The following ADAMTS6 variants were observed in gnomAD, a reference collection of about 807,000 sequenced individuals.
ADAMTS6 encodes the protein A disintegrin and metalloproteinase with thrombospondin motifs 6.
Under a neutral mutation model 144.3 loss-of-function variants are expected in ADAMTS6, and 23 were observed. The observed-to-expected ratio is 0.16, with a 90% CI of 0.11 to 0.23. The LOEUF is 0.23. Ranked by LOEUF, ADAMTS6 falls within the 10% of genes least tolerant of loss-of-function variation. The probability of loss-of-function intolerance (pLI) is 1.00; values close to 1 mark genes in which losing one functional copy is unlikely to be tolerated. For synonymous variants in ADAMTS6, 444 were observed against 457.5 expected, an observed-to-expected ratio of 0.97 and a Z score of 0.38; for missense variants, 999 against 1,379.6, an observed-to-expected ratio of 0.72 and a Z score of 4.37.
chr5:65,242,054 G>T, intron 15 of ADAMTS6, 50 bp downstream of exon 15: 1 of 1,279,158 alleles, frequency 7.8e-7, no homozygotes. Context: ...TATATTCTTT[G>T]ATATTTGCAA....
intron 7 of ADAMTS6, among the ~76,000 whole-genome samples, chr5:65,393,067 A>C (rs1294034306): frequency 6.6e-6 from 1 of 152,168 alleles, no homozygotes; most frequent in East Asian, 1.9e-4. Context: ...CATTCATTGC[A>C]AGCCAACTTT....
intron 3 of ADAMTS6, among the ~76,000 whole-genome samples, chr5:65,461,774 C>G (rs1759656949): frequency 6.6e-6 from 1 of 152,126 alleles, no homozygotes; most frequent in South Asian, 2.1e-4. Context: ...ATTTATTAAT[C>G]TATATATTAA....
At chr5:65,380,903 A>G (rs1751984424) in intron 7 of ADAMTS6, among the ~76,000 whole-genome samples, 2 of 152,170 alleles carry the variant, frequency 1.3e-5, no homozygotes, top group African/African-American at 4.8e-5. Flanking sequence ...GACTTATGAC[A>G]TATAAAATTC....
chr5:65,307,982 T>C (rs1744101221), intron 9 of ADAMTS6, among the ~76,000 whole-genome samples: 1 of 152,204 alleles, frequency 6.6e-6, no homozygotes, highest in Admixed American at 6.5e-5. Flanking sequence ...TCCACAGGAC[T>C]TCCATGATGT....
intron 20 of ADAMTS6, among the ~76,000 whole-genome samples, chr5:65,199,949 T>A (rs1206997791): frequency 6.6e-6 from 1 of 152,188 alleles, no homozygotes; most frequent in East Asian, 1.9e-4. Flanking sequence ...CTATTTTTTA[T>A]GAAGTAAAAA....
At chr5:65,298,940 T>C (rs1245987053) in intron 10 of ADAMTS6, among the ~76,000 whole-genome samples, 1 of 152,078 alleles carries the variant, frequency 6.6e-6, no homozygotes, top group Admixed American at 6.5e-5. Context: ...ATGTAACTTG[T>C]TTGAATTTTT....
At chr5:65,228,999 T>C (rs1757935892) in intron 15 of ADAMTS6, among the ~76,000 whole-genome samples, 1 of 152,190 alleles carries the variant, frequency 6.6e-6, no homozygotes, top group African/African-American at 2.4e-5. Context: ...TCAAAAACTC[T>C]GCATGCCCCA....
At chr5:65,345,779 G>T (rs1748261722) in intron 7 of ADAMTS6, among the ~76,000 whole-genome samples, 1 of 151,714 alleles carries the variant, frequency 6.6e-6, no homozygotes, top group Admixed American at 6.6e-5. Context: ...CTTTCTCAGT[G>T]TAGCTGTATT....
intron 20 of ADAMTS6, among the ~76,000 whole-genome samples, chr5:65,206,968 TATGTAA>T (rs1467016199): frequency 1.3e-5 from 2 of 151,964 alleles, no homozygotes; most frequent in African/African-American, 4.8e-5. Flanking sequence ...AAAATTAGAC[TATGTAA>T]ATGTAAATGT....
At chr5:65,289,207 A>G (rs1742044126) in intron 11 of ADAMTS6, among the ~76,000 whole-genome samples, 2 of 152,206 alleles carry the variant, frequency 1.3e-5, no homozygotes, top group Non-Finnish European at 2.9e-5. Flanking sequence ...GTTTGTATCT[A>G]TTACAGAAGT....
chr5:65,351,114 T>C lies in ADAMTS6; in HGVS notation c.1074-17029A>G, dbSNP rs535222085. On this transcript the variant is annotated intron_variant, in intron 7 of 24. Transcript: ENST00000381055. ...AGTCTAACACTAATCTCTTTTATGA[T>C]ATAAAGCTTTGATGGCGCCATATTT... Among the ~76,000 whole-genome samples the C allele has an allele frequency of 7.2e-5, 11 of 152,320 alleles. No individual in the cohort carries two copies. The East Asian group carries it at 2.1e-3, about 29-fold the overall frequency.
chr5:65,271,376 T>TAAAAAAAA (rs771448447), intron 12 of ADAMTS6, among the ~76,000 whole-genome samples: 1 of 116,422 alleles, frequency 8.6e-6, no homozygotes, highest in African/African-American at 3.3e-5. Flanking sequence ...ATACTCCGTC[T>TAAAAAAAA]AAAAAAAAAA....
At chr5:65,410,770 C>A (rs559255015) in intron 7 of ADAMTS6, among the ~76,000 whole-genome samples, 4 of 152,182 alleles carry the variant, frequency 2.6e-5, no homozygotes, top group Admixed American at 2.6e-4. Flanking sequence ...TGAGATCATG[C>A]AGTATTTGTC....
intron 20 of ADAMTS6, among the ~76,000 whole-genome samples, chr5:65,197,455 A>C (rs1411831590): frequency 6.6e-6 from 1 of 152,252 alleles, no homozygotes; most frequent in African/African-American, 2.4e-5. Flanking sequence ...ACAAACAAAC[A>C]AAACAACAGA....
chr5:65,344,717 C>G (rs997255645), intron 7 of ADAMTS6, among the ~76,000 whole-genome samples: 1 of 151,702 alleles, frequency 6.6e-6, no homozygotes, highest in Admixed American at 6.6e-5. Flanking sequence ...GACTCCTATC[C>G]AATTCTGTTG....
In ADAMTS6 at chr5:65,207,183, A is replaced by G. The variant is rs141873391; in HGVS notation, c.2575+7611T>C. On this transcript the variant is annotated intron_variant, in intron 20 of 24. Coordinates refer to ENST00000381055, the MANE Select transcript of ADAMTS6 (RefSeq NM_197941.4). ...TTATCTCTTCCCCCAAAGAACTGCAAAGCAATGTTTGGCAGAGAGATGCTT... is the reference window on the plus strand; with the variant it reads ...TTATCTCTTCCCCCAAAGAACTGCAGAGCAATGTTTGGCAGAGAGATGCTT... 1.3e-3 allele frequency among the ~76,000 whole-genome samples: 201 copies of G among 152,300 alleles called. 1 individual carries two copies. The highest frequency in any genetic ancestry group is 3.4e-3 in the African/African-American group (143 of 41,570).
At chr5:65,294,415 G>A (rs531987171) in intron 10 of ADAMTS6, among the ~76,000 whole-genome samples, 12 of 152,090 alleles carry the variant, frequency 7.9e-5, no homozygotes, top group Non-Finnish European at 1.6e-4. Flanking sequence ...TCACCATCTT[G>A]CCCAGGCTGG....
At chr5:65,418,695 A>G (rs1473350379) in intron 7 of ADAMTS6, among the ~76,000 whole-genome samples, 1 of 152,208 alleles carries the variant, frequency 6.6e-6, no homozygotes, top group Admixed American at 6.6e-5. Context: ...GAACTTAAAC[A>G]ACTCAACAAG....
chr5:65,289,369 T>C (rs749708418), intron 11 of ADAMTS6, among the ~76,000 whole-genome samples: 1 of 152,112 alleles, frequency 6.6e-6, no homozygotes, highest in Non-Finnish European at 1.5e-5. Context: ...ACCCCATCTC[T>C]ACCAAAAATA....
Sources: gnomAD v4.1 joint callset for allele counts (sites outside exome capture counted in the v4.1 genomes callset) on GRCh38, gnomAD v4.1.1 for gene constraint, MANE v1.5 for transcripts, NCBI Gene and HGNC (gene_info 2026-07-23, HGNC 2026-07-21) for gene names.